FGGY: variants seen among roughly 807,000 people sequenced by gnomAD.
FGGY encodes FGGY carbohydrate kinase domain containing, also known as FGGY carbohydrate kinase domain-containing protein.
FGGY carries 72 observed loss-of-function variants against 71.3 expected under a neutral mutation model. The observed-to-expected ratio is 1.01, with a 90% CI of 0.84 to 1.23. The LOEUF (loss-of-function observed/expected upper bound fraction) is 1.23, where lower values mean the gene tolerates loss of function less well. Ranked by LOEUF, FGGY falls within the 50% of genes most tolerant of loss-of-function variation. The pLI, the probability that FGGY is intolerant of heterozygous loss-of-function variation, is 0.00. For synonymous variants in FGGY, 251 were observed against 250.3 expected (o/e 1.00, Z -0.02); for missense variants, 668 against 682.3 (o/e 0.98, Z 0.23).
chr1:59,547,329 C>T lies in FGGY; in HGVS notation c.800-6795C>T, dbSNP rs1003663166. Reference sequence around the variant, plus strand: ...TGGGTTTGCTTTAGTGGCATTTTGACAGTAAGTCCTGAAAGAGATCTGAGT... The same window carrying T: ...TGGGTTTGCTTTAGTGGCATTTTGATAGTAAGTCCTGAAAGAGATCTGAGT... On this transcript the variant is annotated intron_variant, in intron 7 of 15. Coordinates refer to ENST00000303721, the MANE Select transcript of FGGY (RefSeq NM_018291.5). Among the ~76,000 whole-genome samples the T allele has an allele frequency of 2.6e-5, 4 of 152,200 alleles. No individual in the cohort carries two copies. The East Asian group carries it at 7.7e-4, about 29-fold the overall frequency.
At chr1:59,340,995 T>C (rs1044727236) in intron 3 of FGGY, among the ~76,000 whole-genome samples, 1 of 152,138 alleles carries the variant, frequency 6.6e-6, no homozygotes, top group Non-Finnish European at 1.5e-5. Flanking sequence ...GCAAACATAT[T>C]TGGGGCTAGA....
At chr1:59,329,867 A>G (rs557318882) in intron 2 of FGGY, among the ~76,000 whole-genome samples, 13 of 152,228 alleles carry the variant, frequency 8.5e-5, no homozygotes, top group Non-Finnish European at 1.5e-4. Context: ...CAAGTGCTCA[A>G]TAGCCACATG....
intron 11 of FGGY, among the ~76,000 whole-genome samples, chr1:59,643,531 G>A (rs1176118040): frequency 3.3e-5 from 5 of 152,026 alleles, no homozygotes; most frequent in Admixed American, 2.6e-4. Context: ...TATGAAATAG[G>A]CCAGAAACTT....
intron 6 of FGGY, among the ~76,000 whole-genome samples, chr1:59,463,690 A>C (rs1197430368): frequency 6.6e-6 from 1 of 151,982 alleles, no homozygotes; most frequent in East Asian, 1.9e-4. Context: ...ATGGAAAAAA[A>C]AAAAAAAAGG....
At position 59,473,333 on chromosome 1, in the gene FGGY, AC is replaced by A. The variant is rs368333646; in HGVS notation, c.670+16259del. On this transcript the variant is annotated intron_variant, in intron 6 of 15. Transcript: ENST00000303721. ...GCAGCTTCACTCCTGAGCCAGCGAGACCACGAACCCACCAGAAGGAAGAAAC... is the reference window on the plus strand; with the variant it reads ...GCAGCTTCACTCCTGAGCCAGCGAGACACGAACCCACCAGAAGGAAGAAAC... 7.5e-4 allele frequency among the ~76,000 whole-genome samples: 114 copies of A among 152,240 alleles called. No individual in the cohort carries two copies. The East Asian group carries it at 0.021, about 28-fold the overall frequency.
chr1:59,362,016 C>T lies in FGGY; in HGVS notation c.465+15618C>T, dbSNP rs976913780. 1.3e-4 allele frequency among the ~76,000 whole-genome samples: 20 copies of T among 152,154 alleles called. 1 individual carries two copies. The highest frequency in any genetic ancestry group is 1.0e-3 in the Admixed American group (16 of 15,272). On this transcript the variant is annotated intron_variant, in intron 4 of 15. Transcript: ENST00000303721. ...CACAGGAAAGACAGTGTGCAGACCG[C>T]GAACACGGCTGATTTCTGCCCTCCC...
chr1:59,532,785 G>C (rs1161538415), intron 7 of FGGY, among the ~76,000 whole-genome samples: 1 of 151,280 alleles, frequency 6.6e-6, no homozygotes, highest in Non-Finnish European at 1.5e-5. Flanking sequence ...AACAAGTCAA[G>C]AAAAATAAAT....
At chr1:59,336,664 C>T (rs1287198120) in intron 2 of FGGY, among the ~76,000 whole-genome samples, 1 of 151,982 alleles carries the variant, frequency 6.6e-6, no homozygotes, top group African/African-American at 2.4e-5. Context: ...CCCTGACAGG[C>T]CCCAGTGTGT....
At chr1:59,619,647 G>A (rs1159780250) in intron 9 of FGGY, among the ~76,000 whole-genome samples, 4 of 152,054 alleles carry the variant, frequency 2.6e-5, no homozygotes, top group Non-Finnish European at 5.9e-5. Context: ...ACAGTTGCAG[G>A]GAACAAGTTC....
chr1:59,365,786 C>T (rs2056479273), intron 4 of FGGY, among the ~76,000 whole-genome samples: 1 of 152,204 alleles, frequency 6.6e-6, no homozygotes, highest in Admixed American at 6.5e-5. Flanking sequence ...GCTTTGAAAA[C>T]TGTGAAACTC....
At chr1:59,352,685 G>A (rs1253871281) in intron 4 of FGGY, among the ~76,000 whole-genome samples, 1 of 152,174 alleles carries the variant, frequency 6.6e-6, no homozygotes, top group Non-Finnish European at 1.5e-5. Context: ...TTTGCAGTAG[G>A]AACTGCTGAA....
chr1:59,611,651 A>G (rs1293821684), intron 9 of FGGY, among the ~76,000 whole-genome samples: 3 of 152,266 alleles, frequency 2.0e-5, no homozygotes, highest in Non-Finnish European at 4.4e-5. Context: ...TGGACGGAGT[A>G]TGACTTTGAC....
chr1:59,711,950 A>C (rs1313601161), intron 14 of FGGY, among the ~76,000 whole-genome samples: 1 of 152,094 alleles, frequency 6.6e-6, no homozygotes. Flanking sequence ...ACAATCCCCC[A>C]AAGTCTGAAC....
At chr1:59,324,266 C>CT (rs71046329) in intron 2 of FGGY, among the ~76,000 whole-genome samples, 4,349 of 78,150 alleles carry the variant, frequency 0.056, 1,129 homozygotes, top group Non-Finnish European at 0.081. Flanking sequence ...ATAATAACTA[C>CT]TTTTTTTTTT....
chr1:59,387,237 T>C (rs2060178638), intron 5 of FGGY, among the ~76,000 whole-genome samples: 1 of 152,108 alleles, frequency 6.6e-6, no homozygotes, highest in Admixed American at 6.5e-5. Flanking sequence ...TGATTTTTCT[T>C]TTGTTAAAAA....
chr1:59,539,436 C>G (rs1303349909), intron 7 of FGGY, among the ~76,000 whole-genome samples: 4 of 152,048 alleles, frequency 2.6e-5, no homozygotes, highest in African/African-American at 9.7e-5. Flanking sequence ...ATTAAGGAGC[C>G]CAGAAACAAA....
intron 14 of FGGY, among the ~76,000 whole-genome samples, chr1:59,732,005 G>A (rs1573802657): frequency 6.6e-6 from 1 of 152,110 alleles, no homozygotes; most frequent in Non-Finnish European, 1.5e-5. Context: ...CAGCCTCACC[G>A]AGCCTCAGTT....
intron 11 of FGGY, among the ~76,000 whole-genome samples, chr1:59,650,548 A>T (rs1388969598): frequency 1.0e-5 from 1 of 98,886 alleles, no homozygotes; most frequent in Non-Finnish European, 1.9e-5. Context: ...AGAGGTGTTT[A>T]TAGTATTCTC....
chr1:59,485,929 G>A (rs1470526992), intron 6 of FGGY, among the ~76,000 whole-genome samples: 3 of 152,126 alleles, frequency 2.0e-5, no homozygotes, highest in African/African-American at 7.2e-5. Context: ...AAATCACTGT[G>A]ATGAAGTGAC....
Sources: gnomAD v4.1 joint callset for allele counts (sites outside exome capture counted in the v4.1 genomes callset) on GRCh38, gnomAD v4.1.1 for gene constraint, MANE v1.5 for transcripts, NCBI Gene and HGNC (gene_info 2026-07-23, HGNC 2026-07-21) for gene names.